PLXND1: variants seen among roughly 807,000 people sequenced by gnomAD.
The protein encoded by PLXND1 is plexin-D1.
PLXND1 carries 54 observed loss-of-function variants against 197.7 expected under a neutral mutation model. The observed-to-expected ratio is 0.27, with a 90% confidence interval of 0.22 to 0.34. PLXND1 has a LOEUF of 0.34. Among genes scored for constraint, PLXND1 ranks in the 10% least tolerant of loss-of-function variants. The pLI is 1.00. For synonymous variants in PLXND1, 1,180 were observed against 1,161.2 expected (o/e 1.02, Z -0.33); for missense variants, 2,127 against 2,699.2 (o/e 0.79, Z 4.70).
At position 129,567,504 on chromosome 3, in the gene PLXND1, G is replaced by A. The variant is rs1157156233; in HGVS notation, c.4074C>T (p.Thr1358=). Reference sequence around the variant, plus strand: ...GGCTCGGGCTGACCTTGGGGAAGAAGGTGCGGGTCACGAAGTGCTTATACT... The same window carrying A: ...GGCTCGGGCTGACCTTGGGGAAGAAAGTGCGGGTCACGAAGTGCTTATACT... ...FLEYKHFVTR[T]FFPKCSSLYE... The change falls in exon 22 of 36, where the codon ACC becomes ACT. Residue 1358 remains threonine, a synonymous_variant. Transcript: ENST00000324093. 6.3e-7 allele frequency: 1 copy of A among 1,598,212 alleles called. No homozygotes were observed. Among genetic ancestry groups the A allele is most frequent in the Non-Finnish European group, 8.6e-7 (1 of 1,168,880 alleles).
chr3:129,603,803 G>C (rs560685658), intron 1 of PLXND1, among the ~76,000 whole-genome samples: 119 of 152,338 alleles, frequency 7.8e-4, no homozygotes, highest in African/African-American at 2.6e-3. Context: ...AGAAGGGACA[G>C]GGTGGGGCCC....
intron 1 of PLXND1, among the ~76,000 whole-genome samples, chr3:129,592,111 C>G (rs918017884): frequency 5.9e-5 from 9 of 152,162 alleles, no homozygotes; most frequent in Non-Finnish European, 1.2e-4. Context: ...TTCCCCCCCA[C>G]CCGAGAGCTG....
At chr3:129,586,472 T>G in intron 3 of PLXND1, 116 bp downstream of exon 3, 3 of 1,289,004 alleles carry the variant, frequency 2.3e-6, no homozygotes, top group Non-Finnish European at 3.3e-6. Context: ...AGTTAGCAGA[T>G]AAGGGAGATG....
intron 20 of PLXND1, chr3:129,569,045 A>G (rs1290898660): frequency 1.3e-5 from 2 of 152,236 alleles, no homozygotes; most frequent in African/African-American, 4.8e-5. Flanking sequence ...TATAAATGGC[A>G]TCATACAATA....
At chr3:129,564,192 T>C (rs1028483666) in intron 25 of PLXND1, among the ~76,000 whole-genome samples, 4 of 152,068 alleles carry the variant, frequency 2.6e-5, no homozygotes, top group African/African-American at 9.7e-5. Flanking sequence ...ACTACCCCCT[T>C]CCCCCAGGAG....
chr3:129,593,747 C>T (rs987101476), intron 1 of PLXND1, among the ~76,000 whole-genome samples: 2 of 152,218 alleles, frequency 1.3e-5, no homozygotes, highest in Non-Finnish European at 2.9e-5. Flanking sequence ...CGTGTGGCAA[C>T]AAAGGGAGGC....
chr3:129,601,091 G>A (rs2085701319), intron 1 of PLXND1, among the ~76,000 whole-genome samples: 1 of 152,128 alleles, frequency 6.6e-6, no homozygotes. Flanking sequence ...TCCCCCATCA[G>A]TGGCACTCAA....
At chr3:129,597,614 G>C (rs1255867419) in intron 1 of PLXND1, among the ~76,000 whole-genome samples, 1 of 152,246 alleles carries the variant, frequency 6.6e-6, no homozygotes, top group Non-Finnish European at 1.5e-5. Flanking sequence ...CAAGTTTCAG[G>C]GTAAAGGACG....
In PLXND1 at chr3:129,570,215, G is replaced by C. The variant is rs79597714; in HGVS notation, c.3751-258C>G. Among the ~76,000 whole-genome samples, 546 of 152,258 alleles carry C rather than the reference G, an allele frequency of 3.6e-3. 15 individuals carry two copies. The highest frequency in any genetic ancestry group is 0.033 in the East Asian group (171 of 5,178). On this transcript the variant is annotated intron_variant, in intron 19 of 35. Transcript: ENST00000324093. ...CTGTGATTATCATTACAGCCTGGGAGGAGTAGTGAGTGAGCAAGAGGAAGC... is the reference window on the plus strand; with the variant it reads ...CTGTGATTATCATTACAGCCTGGGACGAGTAGTGAGTGAGCAAGAGGAAGC...
Position 129,567,604 on chromosome 3 carries a change from C to A in PLXND1, c.3974G>T (p.Gly1325Val). ...CATGTCTGTCTGCAGCTCAGCGAAG[C>A]CTGGCGGACACACGGACAGCCGTGA... Reference protein sequence around the residue: ...ESQIREEIRKGFAELQTDMTD... With the variant: ...ESQIREEIRKVFAELQTDMTD... The change falls in exon 22 of 36, where the codon GGC (glycine) becomes GTC (valine). Residue 1325 changes from glycine to valine, a missense_variant and splice_region_variant. Transcript: ENST00000324093. 6.2e-7 allele frequency: 1 copy of A among 1,609,056 alleles called. No homozygotes were observed. Among genetic ancestry groups the A allele is most frequent in the East Asian group, 2.2e-5 (1 of 44,810 alleles).
intron 11 of PLXND1, among the ~76,000 whole-genome samples, chr3:129,575,003 C>T (rs1242424693): frequency 3.3e-5 from 5 of 152,280 alleles, no homozygotes; most frequent in Admixed American, 2.0e-4. Context: ...TATGCAGGGC[C>T]GTTCTGGGAC....
intron 1 of PLXND1, among the ~76,000 whole-genome samples, chr3:129,603,336 A>G (rs2085737680): frequency 6.6e-6 from 1 of 152,112 alleles, no homozygotes; most frequent in Non-Finnish European, 1.5e-5. Flanking sequence ...GCACCGAGGG[A>G]GCGGACCGTG....
chr3:129,580,113 A>G (rs1387068800), intron 8 of PLXND1, among the ~76,000 whole-genome samples: 4 of 152,202 alleles, frequency 2.6e-5, no homozygotes, highest in African/African-American at 7.2e-5. Context: ...ACACAGAAGC[A>G]AAGCAGTTTG....
Position 129,558,650 on chromosome 3 carries a change from G to A in PLXND1, c.5298-75C>T, listed in dbSNP as rs2085009692. On this transcript the variant is annotated intron_variant, in intron 32 of 35. Coordinates refer to ENST00000324093, the MANE Select transcript of PLXND1 (RefSeq NM_015103.3). This position sits in a 1 kb window ranked among gnomAD's most constrained non-coding sequence, Gnocchi z 4.1. ...AGTCGAGGGACAGTTGTGGAGGAGA[G>A]AGCTGGCTTTGTCCCTCAAGGGCCT... The A allele has an allele frequency of 1.4e-6, 2 of 1,447,696 alleles. No homozygotes were observed. Among genetic ancestry groups the A allele is most frequent in the African/African-American group, 1.4e-5 (1 of 71,780 alleles). 89.7% of individuals were successfully genotyped at this position (1,447,696 alleles called of 1,614,324 possible).
In PLXND1 at chr3:129,599,432, G is replaced by A. The variant is rs546859330; in HGVS notation, c.1311+5897C>T. ...TCTGGGAAGTTGGCCCCAGGGTCCT[G>A]CACTCACCTAGCGATGTGCGCCTGC... is the stretch of plus-strand genomic sequence containing the variant. On this transcript the variant is annotated intron_variant, in intron 1 of 35. Transcript: ENST00000324093. Among the ~76,000 whole-genome samples the A allele has an allele frequency of 2.0e-5, 3 of 152,318 alleles. No homozygotes were observed. In the East Asian group the frequency reaches 5.8e-4, roughly 29 times the overall value.
chr3:129,560,445 G>A lies in PLXND1; in HGVS notation c.5029-11C>T, dbSNP rs773768626. 37 of 1,591,108 alleles carry A rather than the reference G, an allele frequency of 2.3e-5. No homozygotes were observed. In the Admixed American group the frequency reaches 4.5e-4, roughly 19 times the overall value. ...GTCCGTAGGCAGCACCTGGGAGGCCGGGCAGTGGTCAGTGTCCGCACCAGG... is the reference window on the plus strand; with the variant it reads ...GTCCGTAGGCAGCACCTGGGAGGCCAGGCAGTGGTCAGTGTCCGCACCAGG... On this transcript the variant is annotated splice_polypyrimidine_tract_variant and intron_variant, in intron 30 of 35. Coordinates refer to ENST00000324093, the MANE Select transcript of PLXND1 (RefSeq NM_015103.3).
In PLXND1 at chr3:129,572,896, C is replaced by T; in HGVS notation, c.2883G>A (p.Val961=). Residue 961 remains valine, a synonymous_variant, in exon 14 of 36, where the codon GTG becomes GTA. Coordinates refer to ENST00000324093, the MANE Select transcript of PLXND1 (RefSeq NM_015103.3). ...CCTCCTTAGAGGCGTTCACGGTCAC[C>T]ACACCTGAGAGTGGTCCTGGGGCTG... is the stretch of plus-strand genomic sequence containing the variant. ...TGPAPGPLSG[V]VTVNASKEGK... 5.0e-6 allele frequency: 8 copies of T among 1,613,986 alleles called. No individual in the cohort carries two copies. Among genetic ancestry groups the T allele is most frequent in the Non-Finnish European group, 5.9e-6 (7 of 1,179,976 alleles).
rs765548071 is a variant in PLXND1 at position 129,570,794 on chromosome 3, G to A, written c.3742C>T (p.Pro1248Ser). The change falls in exon 19 of 36, where the codon CCC (proline) becomes TCC (serine). Residue 1248 changes from proline to serine, a missense_variant. Physicochemically the swap from Pro to Ser is moderately conservative, Grantham distance 74. Transcript: ENST00000324093. ...ESLGAAVGQL[P>S]ITIQVGNFNQ... is the part of the protein sequence containing the mutation. ...GCGCCCCATCCACTCACTGTGATGG[G>A]CAGCTGCCCCACGGCCGCGCCCAGG... 26 of 1,613,902 alleles carry A rather than the reference G, an allele frequency of 1.6e-5. No homozygotes were observed. The Admixed American group carries it at 3.7e-4, about 23-fold the overall frequency.
In PLXND1 at chr3:129,556,221, T is replaced by C; in HGVS notation, c.*91A>G. On this transcript the variant is annotated 3_prime_UTR_variant, in exon 36 of 36. Transcript: ENST00000324093. Reference sequence around the variant, plus strand: ...GCCGTCTCTGCTCAGTATTTCCCAGTCTGAGTCACAGGCACGGGGTAGAAG... The same window carrying C: ...GCCGTCTCTGCTCAGTATTTCCCAGCCTGAGTCACAGGCACGGGGTAGAAG... 1 of 887,438 alleles carries C rather than the reference T, an allele frequency of 1.1e-6. No homozygotes were observed. Among genetic ancestry groups the C allele is most frequent in the South Asian group, 1.4e-5 (1 of 68,994 alleles). 55.0% of individuals were successfully genotyped at this position (887,438 alleles called of 1,614,324 possible).
Sources: allele counts gnomAD v4.1 joint callset (sites outside exome capture counted in the v4.1 genomes callset), GRCh38; gene constraint gnomAD v4.1.1; non-coding constraint Gnocchi (gnomAD v3.1); transcripts MANE v1.5; gene names NCBI Gene and HGNC (gene_info 2026-07-23, HGNC 2026-07-21).